The following SLC5A11 variants were observed in gnomAD, a reference collection of about 807,000 sequenced individuals.
SLC5A11 encodes solute carrier family 5 member 11.
SLC5A11 carries 48 observed loss-of-function variants against 69.8 expected under a neutral mutation model. The observed-to-expected ratio is 0.69, with a 90% confidence interval of 0.55 to 0.87. SLC5A11 has a LOEUF of 0.87. Among genes scored for constraint, SLC5A11 ranks in the 40% least tolerant of loss-of-function variants. SLC5A11 has a pLI of 0.00. For missense variants in SLC5A11, 784 were observed against 866.1 expected, an observed-to-expected ratio of 0.91 and a Z score of 1.19; for synonymous variants, 319 against 342.4, an observed-to-expected ratio of 0.93 and a Z score of 0.75.
At chr16:24,907,712 A>AG (rs2050173817) in intron 12 of SLC5A11, among the ~76,000 whole-genome samples, 1 of 151,528 alleles carries the variant, frequency 6.6e-6, no homozygotes, top group Non-Finnish European at 1.5e-5. Flanking sequence ...GTCTCAAAAA[A>AG]AAAAATTAAA....
chr16:24,894,007 A>G (rs2048985027), intron 9 of SLC5A11, among the ~76,000 whole-genome samples: 1 of 152,160 alleles, frequency 6.6e-6, no homozygotes, highest in Non-Finnish European at 1.5e-5. Flanking sequence ...GATGATGACA[A>G]TGCCAATAAT....
chr16:24,854,602 T>C (rs1168873664), intron 1 of SLC5A11, among the ~76,000 whole-genome samples: 1 of 152,048 alleles, frequency 6.6e-6, no homozygotes, highest in African/African-American at 2.4e-5. Flanking sequence ...CCTAAAAAAA[T>C]TGCATTTTTA....
intron 10 of SLC5A11, among the ~76,000 whole-genome samples, chr16:24,905,131 G>A (rs1395002957): frequency 6.6e-6 from 1 of 151,838 alleles, no homozygotes; most frequent in African/African-American, 2.4e-5. Flanking sequence ...TAAACTATAT[G>A]GAAATTAAGA....
chr16:24,869,427 G>C (rs1449514748), intron 3 of SLC5A11, among the ~76,000 whole-genome samples: 2 of 152,178 alleles, frequency 1.3e-5, no homozygotes, highest in African/African-American at 4.8e-5. Flanking sequence ...GGAGACCAGG[G>C]ATTGGCATCA....
At chr16:24,850,607 G>T (rs1444321561) in intron 1 of SLC5A11, among the ~76,000 whole-genome samples, 1 of 152,130 alleles carries the variant, frequency 6.6e-6, no homozygotes, top group Non-Finnish European at 1.5e-5. Context: ...CACGTGTCTC[G>T]GGGTAGTTAG....
intron 9 of SLC5A11, among the ~76,000 whole-genome samples, chr16:24,891,629 C>T (rs996533495): frequency 6.6e-6 from 1 of 152,110 alleles, no homozygotes; most frequent in Non-Finnish European, 1.5e-5. Context: ...TGGCCTAATA[C>T]ACTTTGCTTA....
intron 6 of SLC5A11, 143 bp downstream of exon 7, chr16:24,875,874 G>A (rs1217312098): frequency 1.1e-5 from 8 of 718,992 alleles, no homozygotes; most frequent in Non-Finnish European, 1.9e-5. Context: ...AGATGGCATG[G>A]GGGGAGGTAA....
At chr16:24,849,473 G>A (rs1430560885) in intron 1 of SLC5A11, among the ~76,000 whole-genome samples, 8 of 149,482 alleles carry the variant, frequency 5.4e-5, no homozygotes, top group African/African-American at 2.0e-4. Context: ...AGGCTGAGGC[G>A]GGAGAATCGC....
chr16:24,910,206 C>A, intron 14 of SLC5A11, 100 bp from the exon 16 acceptor site: 3 of 1,266,768 alleles, frequency 2.4e-6, no homozygotes, highest in Non-Finnish European at 3.3e-6. Flanking sequence ...GATTCAGACA[C>A]AAAGGCTGAG....
exon 3 of SLC5A11, chr16:24,862,604 A>G (rs36048966): frequency 6.2e-7 from 1 of 1,611,458 alleles, no homozygotes; most frequent in Non-Finnish European, 8.5e-7. Context: ...TTTTCAGTCC[A>G]CAGTGAAGAC....
intron 8 of SLC5A11, among the ~76,000 whole-genome samples, chr16:24,885,358 C>T (rs1272974485): frequency 2.0e-5 from 3 of 150,744 alleles, no homozygotes; most frequent in Non-Finnish European, 4.4e-5. Flanking sequence ...TTAAAGACTA[C>T]AACAAAGGCC....
chr16:24,871,901 T>C (rs2667744), intron 4 of SLC5A11, among the ~76,000 whole-genome samples: 27,928 of 151,922 alleles, frequency 0.18, 2,698 homozygotes, highest in Non-Finnish European at 0.21. Flanking sequence ...CTGGATGAAG[T>C]GATGACATGA....
chr16:24,860,984 G>A (rs768734970), intron 2 of SLC5A11, among the ~76,000 whole-genome samples: 113 of 152,028 alleles, frequency 7.4e-4, no homozygotes, highest in Non-Finnish European at 1.4e-3. Context: ...TGGGATTACA[G>A]GTGTGAGCCA....
At chr16:24,893,549 TTTTTTATTA>T (rs570546594) in intron 9 of SLC5A11, among the ~76,000 whole-genome samples, 1 of 151,830 alleles carries the variant, frequency 6.6e-6, no homozygotes, top group African/African-American at 2.4e-5. Flanking sequence ...TCTGAACTTC[TTTTTTATTA>T]TTTTTATTAT....
At chr16:24,854,246 C>A (rs938873277) in intron 1 of SLC5A11, among the ~76,000 whole-genome samples, 4 of 152,164 alleles carry the variant, frequency 2.6e-5, no homozygotes, top group Non-Finnish European at 5.9e-5. Context: ...CCTAAACATG[C>A]TTCCTGCACT....
At chr16:24,906,594 T>C in intron 10 of SLC5A11, 63 bp from the exon 12 acceptor site, 5 of 1,044,598 alleles carry the variant, frequency 4.8e-6, no homozygotes, top group Non-Finnish European at 7.0e-6. Flanking sequence ...CGGCCCCATG[T>C]TGCCTGGGCC....
chr16:24,904,768 C>A lies in SLC5A11; in HGVS notation c.1007-1889C>A, dbSNP rs564375375. Among the ~76,000 whole-genome samples the A allele has an allele frequency of 6.6e-5, 10 of 152,290 alleles. No homozygotes were observed. The South Asian group carries it at 1.9e-3, about 28-fold the overall frequency. On this transcript the variant is annotated intron_variant, in intron 10 of 15. Coordinates refer to ENST00000347898, the Ensembl canonical transcript of SLC5A11. ...TGCTAAGTCCATCTGAGAAATGGCACATATTTTTATTTTTTCATTAAACTT... is the reference window on the plus strand; with the variant it reads ...TGCTAAGTCCATCTGAGAAATGGCAAATATTTTTATTTTTTCATTAAACTT...
chr16:24,895,842 G>C (rs1377863832), intron 9 of SLC5A11, among the ~76,000 whole-genome samples: 1 of 152,094 alleles, frequency 6.6e-6, no homozygotes, highest in African/African-American at 2.4e-5. Flanking sequence ...CTCTGACAAG[G>C]TACAGTCCCA....
At chr16:24,875,568 G>A in intron 5 of SLC5A11, 59 bp from the exon 7 acceptor site, 1 of 1,401,870 alleles carries the variant, frequency 7.1e-7, no homozygotes, top group Non-Finnish European at 1.0e-6. Flanking sequence ...GCTTGTGTGG[G>A]GGGGTCACGT....
Sources: gnomAD v4.1 joint callset for allele counts (sites outside exome capture counted in the v4.1 genomes callset) on GRCh38, gnomAD v4.1.1 for gene constraint, MANE v1.5 for transcripts, NCBI Gene and HGNC (gene_info 2026-07-23, HGNC 2026-07-21) for gene names.